Variants in FAM193A observed in about 807,000 individuals in gnomAD.
FAM193A encodes protein FAM193A.
A neutral mutation model predicts 126.5 loss-of-function variants in FAM193A; 22 were observed. The observed-to-expected ratio is 0.17, with a 90% CI of 0.12 to 0.25. FAM193A has a LOEUF of 0.25. Among genes scored for constraint, FAM193A ranks in the 10% least tolerant of loss-of-function variants. The pLI, the probability that FAM193A is intolerant of heterozygous loss-of-function variation, is 1.00. For missense variants in FAM193A, 1,675 were observed against 1,672.8 expected (o/e 1.00, Z -0.02); for synonymous variants, 761 against 646.8 (o/e 1.18, Z -2.68).
At chr4:2,685,092 G>A (rs567835940) in intron 13 of FAM193A, among the ~76,000 whole-genome samples, 3 of 152,256 alleles carry the variant, frequency 2.0e-5, no homozygotes, top group South Asian at 2.1e-4. Flanking sequence ...ACTAAGAAAC[G>A]GCCTAGAAGT....
chr4:2,667,978 A>G (rs1212792224), intron 12 of FAM193A, among the ~76,000 whole-genome samples: 7 of 152,168 alleles, frequency 4.6e-5, no homozygotes, highest in Non-Finnish European at 1.0e-4. Flanking sequence ...ATCATGCCTC[A>G]CTGCAACCTC....
chr4:2,701,631 C>G (rs1385202362), intron 19 of FAM193A, among the ~76,000 whole-genome samples: 1 of 152,138 alleles, frequency 6.6e-6, no homozygotes, highest in African/African-American at 2.4e-5. Flanking sequence ...ATTTTCACTA[C>G]GGTCAAGTTA....
intron 1 of FAM193A, among the ~76,000 whole-genome samples, chr4:2,582,111 GTTTCT>G (rs1739977849): frequency 6.6e-6 from 1 of 152,132 alleles, no homozygotes; most frequent in Middle Eastern, 3.4e-3. Flanking sequence ...CATGTGTAAT[GTTTCT>G]TTTATCACTA....
intron 20 of FAM193A, among the ~76,000 whole-genome samples, chr4:2,726,455 A>G (rs1176510772): frequency 1.3e-5 from 2 of 152,038 alleles, no homozygotes; most frequent in African/African-American, 4.8e-5. Flanking sequence ...TTTGGGTTTC[A>G]GGGAAAAAAA....
chr4:2,690,917 T>A lies in FAM193A; in HGVS notation c.2750T>A (p.Val917Glu). Reference sequence around the variant, plus strand: ...TCTGTGTCCTGCACAGCTACCACAGTGCAGTCCAGCAACAGCCAGTTCAGA... The same window carrying A: ...TCTGTGTCCTGCACAGCTACCACAGAGCAGTCCAGCAACAGCCAGTTCAGA... ...TSSVSCTATT[V>E]QSSNSQFRVS... The change falls in exon 15 of 21, where the codon GTG becomes GAG. Residue 917 changes from valine to glutamate, a missense_variant. This residue lies in a region of FAM193A where 1,186 missense variants were observed against 1,109.2 expected (regional missense o/e 1.07). Transcript: ENST00000637812. The A allele has an allele frequency of 6.2e-7, 1 of 1,614,232 alleles. No individual in the cohort carries two copies. Among genetic ancestry groups the A allele is most frequent in the Non-Finnish European group, 8.5e-7 (1 of 1,180,026 alleles).
At chr4:2,622,724 C>G (rs892735544) in intron 2 of FAM193A, among the ~76,000 whole-genome samples, 6 of 152,196 alleles carry the variant, frequency 3.9e-5, no homozygotes, top group Non-Finnish European at 5.9e-5. Context: ...TGCCCTCTCT[C>G]TGTCCTCGTG....
intron 2 of FAM193A, among the ~76,000 whole-genome samples, chr4:2,608,641 TTTGAGG>T (rs970861376): frequency 3.3e-5 from 5 of 152,212 alleles, no homozygotes; most frequent in Admixed American, 6.5e-5. Context: ...TGCCATAGGC[TTTGAGG>T]AGAGTGTTGG....
At position 2,595,758 on chromosome 4, in the gene FAM193A, G is replaced by A. The variant is rs547465374; in HGVS notation, c.256-326G>A. ...TAGAATAGTAGTTTCAGACTTCGTTGGTGGTAACCAGTTCTGGTAAACAGT... is the reference window on the plus strand; with the variant it reads ...TAGAATAGTAGTTTCAGACTTCGTTAGTGGTAACCAGTTCTGGTAAACAGT... On this transcript the variant is annotated intron_variant, in intron 1 of 20. Transcript: ENST00000637812. Among the ~76,000 whole-genome samples, 185 of 152,294 alleles carry A rather than the reference G, an allele frequency of 1.2e-3. 3 individuals are homozygous for A. In the Middle Eastern group the frequency reaches 0.017, roughly 14 times the overall value.
chr4:2,680,514 C>CAA (rs71644348), intron 13 of FAM193A, among the ~76,000 whole-genome samples: 1,778 of 151,958 alleles, frequency 0.012, 16 homozygotes, highest in South Asian at 0.026. Flanking sequence ...TGGACTCTTC[C>CAA]AGAGAGAAGA....
chr4:2,551,641 A>G (rs1251607345), intron 1 of FAM193A, among the ~76,000 whole-genome samples: 2 of 151,862 alleles, frequency 1.3e-5, no homozygotes, highest in Admixed American at 6.6e-5. Flanking sequence ...TTCATTCCTG[A>G]TATTAGTAAC....
intron 19 of FAM193A, among the ~76,000 whole-genome samples, chr4:2,702,768 C>T (rs566016196): frequency 1.8e-4 from 28 of 152,302 alleles, no homozygotes; most frequent in East Asian, 5.8e-4. Context: ...TGCCCTTACC[C>T]GATGGAAAAC....
chr4:2,599,569 C>G (rs1002984195), intron 2 of FAM193A, among the ~76,000 whole-genome samples: 1 of 152,194 alleles, frequency 6.6e-6, no homozygotes, highest in African/African-American at 2.4e-5. Context: ...TCTTGCCTGA[C>G]AGTTGCACGT....
At chr4:2,682,510 G>A (rs1405503746) in intron 13 of FAM193A, among the ~76,000 whole-genome samples, 1 of 152,048 alleles carries the variant, frequency 6.6e-6, no homozygotes. Context: ...TGGTGTATTT[G>A]ACTATTCACA....
Position 2,731,945 on chromosome 4 carries a change from G to A in FAM193A, c.*77G>A, listed in dbSNP as rs918551583. 9.8e-6 allele frequency: 11 copies of A among 1,123,394 alleles called. No individual in the cohort carries two copies. Among genetic ancestry groups the A allele is most frequent in the African/African-American group, 7.6e-5 (5 of 65,604 alleles). 69.6% of individuals were successfully genotyped at this position (1,123,394 alleles called of 1,614,324 possible). A position where few individuals can be genotyped will look rare whatever the true frequency, so the allele number is the denominator to read the frequency against. On this transcript the variant is annotated 3_prime_UTR_variant, in exon 21 of 21. Coordinates refer to ENST00000637812, the MANE Select transcript of FAM193A (RefSeq NM_001366318.2). ...CCCAAGAGCCACGCCCCTCGCTGGC[G>A]CCCCAGAGCCGTGGTGCTTGCCAAG... is the stretch of plus-strand genomic sequence containing the variant.
intron 19 of FAM193A, among the ~76,000 whole-genome samples, chr4:2,712,669 C>G (rs937231649): frequency 6.6e-6 from 1 of 152,142 alleles, no homozygotes; most frequent in South Asian, 2.1e-4. Context: ...TCAGTTAAGC[C>G]CATTCACACT....
chr4:2,668,910 T>C (rs1418941884), intron 12 of FAM193A, among the ~76,000 whole-genome samples: 1 of 152,082 alleles, frequency 6.6e-6, no homozygotes, highest in East Asian at 1.9e-4. Flanking sequence ...TGGCACAATT[T>C]TGGCTCACTT....
chr4:2,641,440 C>T (rs1194461924), intron 6 of FAM193A, among the ~76,000 whole-genome samples: 1 of 151,688 alleles, frequency 6.6e-6, no homozygotes, highest in Non-Finnish European at 1.5e-5. Context: ...GGGCAGATCA[C>T]GAGGTCAGAT....
intron 15 of FAM193A, among the ~76,000 whole-genome samples, chr4:2,692,655 G>T (rs549198627): frequency 2.0e-5 from 3 of 152,322 alleles, no homozygotes; most frequent in African/African-American, 2.4e-5. Flanking sequence ...TTGGCAGACA[G>T]GTAGCCTATT....
intron 1 of FAM193A, among the ~76,000 whole-genome samples, chr4:2,591,884 A>G (rs1740588725): frequency 6.6e-6 from 1 of 152,236 alleles, no homozygotes; most frequent in East Asian, 1.9e-4. Context: ...CATAGATGGT[A>G]GAACTCAGCT....
Sources: gnomAD v4.1 joint callset for allele counts (sites outside exome capture counted in the v4.1 genomes callset) on GRCh38, gnomAD v4.1.1 for gene constraint, gnomAD v4.1.1 regional missense constraint, MANE v1.5 for transcripts, NCBI Gene and HGNC (gene_info 2026-07-23, HGNC 2026-07-21) for gene names.